The following AGBL4 variants were observed in gnomAD, a reference collection of about 807,000 sequenced individuals.
AGBL4 encodes AGBL carboxypeptidase 4.
AGBL4 carries 58 observed loss-of-function variants against 66.4 expected under a neutral mutation model. The ratio of observed to expected loss-of-function variants is 0.87; its 90% confidence interval spans 0.71 to 1.09. The LOEUF (loss-of-function observed/expected upper bound fraction) is 1.09, where lower values mean the gene tolerates loss of function less well. Among genes scored for constraint, AGBL4 ranks in the 50% least tolerant of loss-of-function variants. AGBL4 has a pLI of 0.00. For synonymous variants in AGBL4, 234 were observed against 222.9 expected (o/e 1.05, Z -0.44); for missense variants, 579 against 631.0 (o/e 0.92, Z 0.88).
chr1:49,739,903 C>T (rs929264999), intron 2 of AGBL4, among the ~76,000 whole-genome samples: 2 of 152,116 alleles, frequency 1.3e-5, no homozygotes, highest in Non-Finnish European at 2.9e-5. Flanking sequence ...CTGAAGGAAG[C>T]ACTAAACATG....
At chr1:48,634,192 A>T (rs1406037786) in intron 9 of AGBL4, 1 of 193,622 alleles carries the variant, frequency 5.2e-6, no homozygotes, top group Non-Finnish European at 1.1e-5. Context: ...ATACTAATTC[A>T]AGTCCTATTT....
At chr1:48,812,948 T>C (rs542022914) in intron 6 of AGBL4, among the ~76,000 whole-genome samples, 6 of 141,182 alleles carry the variant, frequency 4.2e-5, no homozygotes, top group East Asian at 2.1e-4. Context: ...CATCACACAC[T>C]GGGGACTGTT....
chr1:49,659,151 C>T (rs1038262670), intron 3 of AGBL4, among the ~76,000 whole-genome samples: 4 of 152,082 alleles, frequency 2.6e-5, no homozygotes, highest in African/African-American at 4.8e-5. Context: ...CTTGCAAGAG[C>T]TCCTGAAGGA....
chr1:49,919,902 T>G (rs962436205), intron 1 of AGBL4, among the ~76,000 whole-genome samples: 1 of 152,114 alleles, frequency 6.6e-6, no homozygotes, highest in African/African-American at 2.4e-5. Context: ...TATAGATCAA[T>G]GGAACAGAAC....
chr1:49,247,550 A>G (rs1651741037), intron 3 of AGBL4, among the ~76,000 whole-genome samples: 1 of 152,112 alleles, frequency 6.6e-6, no homozygotes, highest in African/African-American at 2.4e-5. Context: ...TGAGGGGACA[A>G]ATGGCCTTTG....
chr1:48,960,246 T>C (rs1308870961), intron 5 of AGBL4, among the ~76,000 whole-genome samples: 5 of 151,872 alleles, frequency 3.3e-5, no homozygotes, highest in Admixed American at 6.6e-5. Flanking sequence ...GAGAGAGGAA[T>C]AAAAGATGAT....
chr1:49,704,162 AATTG>A (rs1375561995), intron 2 of AGBL4, among the ~76,000 whole-genome samples: 1 of 152,096 alleles, frequency 6.6e-6, no homozygotes, highest in Non-Finnish European at 1.5e-5. Context: ...TTTTTGTAGA[AATTG>A]ATTATCTCAT....
intron 3 of AGBL4, among the ~76,000 whole-genome samples, chr1:49,408,308 A>G (rs1167262): frequency 0.68 from 103,870 of 152,170 alleles, 36,168 homozygotes; most frequent in African/African-American, 0.77. Context: ...TTTAAATACC[A>G]AATAAATGCT....
At chr1:49,771,363 A>G (rs998491677) in intron 2 of AGBL4, among the ~76,000 whole-genome samples, 4 of 152,130 alleles carry the variant, frequency 2.6e-5, no homozygotes, top group African/African-American at 9.7e-5. Flanking sequence ...AAAATGATAC[A>G]TGATATGGCA....
intron 6 of AGBL4, among the ~76,000 whole-genome samples, chr1:48,677,643 G>C (rs541119535): frequency 6.6e-6 from 1 of 152,196 alleles, no homozygotes; most frequent in African/African-American, 2.4e-5. Context: ...CAGCTGCGAC[G>C]TCAGTCTAAC....
intron 5 of AGBL4, among the ~76,000 whole-genome samples, chr1:48,965,321 G>A (rs1016336493): frequency 1.3e-5 from 2 of 152,114 alleles, no homozygotes; most frequent in Non-Finnish European, 2.9e-5. Flanking sequence ...CATAAAGGAA[G>A]TAGCATTTAA....
chr1:48,936,272 A>C (rs765965056), intron 5 of AGBL4, among the ~76,000 whole-genome samples: 3 of 152,128 alleles, frequency 2.0e-5, no homozygotes, highest in Non-Finnish European at 4.4e-5. Flanking sequence ...ATGAAGAAAA[A>C]GTACAAGAAA....
At chr1:49,673,188 T>C (rs1646514532) in intron 3 of AGBL4, among the ~76,000 whole-genome samples, 1 of 152,158 alleles carries the variant, frequency 6.6e-6, no homozygotes, top group Admixed American at 6.5e-5. Context: ...ATTACTGTAA[T>C]TTCTATTTCT....
intron 6 of AGBL4, among the ~76,000 whole-genome samples, chr1:48,862,738 G>A (rs1034541892): frequency 6.6e-6 from 1 of 152,090 alleles, no homozygotes; most frequent in Non-Finnish European, 1.5e-5. Context: ...ACTGCATTTT[G>A]GTTACATCAC....
intron 1 of AGBL4, among the ~76,000 whole-genome samples, chr1:49,977,613 T>A (rs954974317): frequency 1.3e-5 from 2 of 152,244 alleles, no homozygotes; most frequent in Non-Finnish European, 2.9e-5. Flanking sequence ...AAATGTGTTC[T>A]CTTCTCTCAC....
chr1:49,747,477 G>C (rs1440644462), intron 2 of AGBL4, among the ~76,000 whole-genome samples: 6 of 152,114 alleles, frequency 3.9e-5, no homozygotes, highest in African/African-American at 7.2e-5. Flanking sequence ...TCCCACAAGA[G>C]CAATTGTGAG....
chr1:49,188,107 A>C (rs1296483456), intron 4 of AGBL4, among the ~76,000 whole-genome samples: 2 of 152,130 alleles, frequency 1.3e-5, no homozygotes, highest in Non-Finnish European at 2.9e-5. Flanking sequence ...AGCTATGTAG[A>C]ACTGTAAGTC....
chr1:49,533,446 T>C (rs1651304034), intron 3 of AGBL4, among the ~76,000 whole-genome samples: 1 of 152,136 alleles, frequency 6.6e-6, no homozygotes, highest in Non-Finnish European at 1.5e-5. Context: ...CTTGCACTTA[T>C]TCTTGTTCTC....
At position 49,349,991 on chromosome 1, in the gene AGBL4, C is replaced by T. The variant is rs184246880; in HGVS notation, c.283-104127G>A. ...GACACATTGGTCTCAAGATTTCTAG[C>T]CTCCAGAATGGTGAGAAAATAAACT... On this transcript the variant is annotated intron_variant, in intron 3 of 13. Transcript: ENST00000371839. Among the ~76,000 whole-genome samples the T allele has an allele frequency of 1.5e-3, 234 of 152,262 alleles. 1 individual carries two copies. The highest frequency in any genetic ancestry group is 4.8e-3 in the African/African-American group (199 of 41,548).
Sources: allele counts gnomAD v4.1 joint callset (sites outside exome capture counted in the v4.1 genomes callset), GRCh38; gene constraint gnomAD v4.1.1; transcripts MANE v1.5; gene names NCBI Gene and HGNC (gene_info 2026-07-23, HGNC 2026-07-21).